Variants in BCAS3 observed in about 807,000 individuals in gnomAD.
The protein encoded by BCAS3 is BCAS4/BCAS3 fusion.
In BCAS3, 53 loss-of-function variants were observed where a neutral mutation model predicts 116.1. The observed-to-expected ratio is 0.46, with a 90% CI of 0.37 to 0.57. BCAS3 has a LOEUF of 0.57. Ranked by LOEUF, BCAS3 falls within the 20% of genes least tolerant of loss-of-function variation. BCAS3 has a pLI of 0.00. For missense variants in BCAS3, 917 were observed against 1,165.4 expected (o/e 0.79, Z 3.10); for synonymous variants, 391 against 408.2 (o/e 0.96, Z 0.51).
At chr17:61,094,143 CTACT>C (rs1350650666) in intron 22 of BCAS3, among the ~76,000 whole-genome samples, 8 of 152,146 alleles carry the variant, frequency 5.3e-5, no homozygotes, top group African/African-American at 1.9e-4. Context: ...CCTCTGCTAC[CTACT>C]TAAGAGTTCT....
At chr17:60,791,824 A>C (rs896772407) in intron 6 of BCAS3, among the ~76,000 whole-genome samples, 7 of 152,070 alleles carry the variant, frequency 4.6e-5, no homozygotes, top group Admixed American at 4.6e-4. Context: ...GATATTTGTC[A>C]TGTTGAAATA....
intron 7 of BCAS3, among the ~76,000 whole-genome samples, chr17:60,817,903 G>A (rs947690884): frequency 5.3e-5 from 8 of 149,592 alleles, no homozygotes; most frequent in Non-Finnish European, 8.9e-5. Context: ...CACCCAGGCT[G>A]GAGTGCAGTG....
Position 61,261,435 on chromosome 17 carries a change from A to G in BCAS3, c.2426-106892A>G, listed in dbSNP as rs746348638. On this transcript the variant is annotated intron_variant, in intron 22 of 23. Coordinates refer to ENST00000407086, the MANE Select transcript of BCAS3 (RefSeq NM_017679.5). The surrounding 1 kb of genome is among the most constrained non-coding windows in gnomAD (Gnocchi z 4.4). ...TAATTCAAGGCTCAAAACAGCTTGT[A>G]AAGTTTTTTTTATCATTCCTTTCCA... Among the ~76,000 whole-genome samples, 2 of 152,168 alleles carry G rather than the reference A, an allele frequency of 1.3e-5. No homozygotes were observed. The highest frequency in any genetic ancestry group is 3.8e-4 in the East Asian group (2 of 5,200).
chr17:60,681,918 CA>C (rs2033203004), intron 2 of BCAS3, among the ~76,000 whole-genome samples: 2 of 151,998 alleles, frequency 1.3e-5, no homozygotes, highest in African/African-American at 4.8e-5. Flanking sequence ...TTAGTAGAGA[CA>C]GGGTTTCTCC....
intron 22 of BCAS3, among the ~76,000 whole-genome samples, chr17:61,263,207 G>A (rs993312161): frequency 2.0e-5 from 3 of 152,226 alleles, no homozygotes; most frequent in Non-Finnish European, 4.4e-5. Context: ...AACAGGGGAA[G>A]GTGAGGCACC....
chr17:61,255,786 C>G (rs2048729957), intron 22 of BCAS3, among the ~76,000 whole-genome samples: 1 of 152,210 alleles, frequency 6.6e-6, no homozygotes, highest in Non-Finnish European at 1.5e-5. Flanking sequence ...CTTATCACAG[C>G]TTTCTTTTCC....
At chr17:60,719,644 T>C (rs2039027847) in intron 5 of BCAS3, among the ~76,000 whole-genome samples, 2 of 152,234 alleles carry the variant, frequency 1.3e-5, no homozygotes, top group South Asian at 2.1e-4. Flanking sequence ...AACTTATTCT[T>C]TCAGCCATAA....
intron 6 of BCAS3, among the ~76,000 whole-genome samples, chr17:60,751,107 T>C (rs888899694): frequency 6.6e-6 from 1 of 152,176 alleles, no homozygotes; most frequent in African/African-American, 2.4e-5. Context: ...TAACTAAAAG[T>C]GAGAAACTGA....
intron 7 of BCAS3, among the ~76,000 whole-genome samples, chr17:60,850,813 A>G (rs1403013678): frequency 6.6e-6 from 1 of 152,232 alleles, no homozygotes; most frequent in African/African-American, 2.4e-5. Flanking sequence ...TAAAACAAGC[A>G]AAAGATCTAT....
rs1489244616 is a variant in BCAS3 at position 61,205,061 on chromosome 17, T to G, written c.2425+120497T>G. On this transcript the variant is annotated intron_variant, in intron 22 of 23. Coordinates refer to ENST00000407086, the MANE Select transcript of BCAS3 (RefSeq NM_017679.5). This position sits in a 1 kb window ranked among gnomAD's most constrained non-coding sequence, Gnocchi z 5.2. Reference sequence around the variant, plus strand: ...AAATTAAAGAATGACAGGATAAAAATTTAGGGAGGCCGATTCCATCTGCAA... The same window carrying G: ...AAATTAAAGAATGACAGGATAAAAAGTTAGGGAGGCCGATTCCATCTGCAA... Among the ~76,000 whole-genome samples the G allele has an allele frequency of 6.6e-6, 1 of 152,050 alleles. No individual in the cohort carries two copies. The highest frequency in any genetic ancestry group is 1.5e-5 in the Non-Finnish European group (1 of 68,016).
At chr17:61,351,081 T>C (rs1222548447) in intron 22 of BCAS3, among the ~76,000 whole-genome samples, 3 of 152,222 alleles carry the variant, frequency 2.0e-5, no homozygotes, top group African/African-American at 7.2e-5. Context: ...GCTTGTTCTT[T>C]CCTACATTCA....
chr17:60,757,714 T>G (rs1268555602), intron 6 of BCAS3, among the ~76,000 whole-genome samples: 2 of 152,188 alleles, frequency 1.3e-5, no homozygotes, highest in East Asian at 3.8e-4. Context: ...GCAAGTTGTC[T>G]GTTCACTCTG....
At chr17:61,358,582 A>G (rs555698991) in intron 22 of BCAS3, among the ~76,000 whole-genome samples, 2 of 150,742 alleles carry the variant, frequency 1.3e-5, no homozygotes, top group South Asian at 2.1e-4. Flanking sequence ...GCAGACTGCA[A>G]CTTCCACCTC....
intron 23 of BCAS3, among the ~76,000 whole-genome samples, chr17:61,384,185 C>T (rs937182441): frequency 6.6e-6 from 1 of 152,256 alleles, no homozygotes; most frequent in Non-Finnish European, 1.5e-5. Context: ...TGCCATGCCC[C>T]TCGGCACTGA....
intron 14 of BCAS3, among the ~76,000 whole-genome samples, chr17:60,955,199 G>A (rs1369875558): frequency 1.3e-5 from 2 of 151,904 alleles, no homozygotes; most frequent in African/African-American, 2.4e-5. Flanking sequence ...AAAGTAGATT[G>A]CCAACATGAC....
intron 13 of BCAS3, among the ~76,000 whole-genome samples, chr17:60,925,233 G>A (rs149799875): frequency 1.3e-5 from 2 of 152,102 alleles, no homozygotes; most frequent in African/African-American, 4.8e-5. Flanking sequence ...TAATGTTTTT[G>A]TATTTCTCCA....
Position 61,387,752 on chromosome 17 carries a change from A to G in BCAS3, c.2594-4225A>G, listed in dbSNP as rs752664025. Among the ~76,000 whole-genome samples, 1 of 152,128 alleles carries G rather than the reference A, an allele frequency of 6.6e-6. No homozygotes were observed. On this transcript the variant is annotated intron_variant, in intron 23 of 23. Transcript: ENST00000407086. The surrounding 1 kb of genome is among the most constrained non-coding windows in gnomAD (Gnocchi z 6.2). ...CCAGCACCCTGTGGCCCGCACCAGC[A>G]CCCGTTCTTTCTTGGGGGATGGGGG...
chr17:60,678,433 C>T (rs1285069690), intron 1 of BCAS3, among the ~76,000 whole-genome samples: 1 of 152,092 alleles, frequency 6.6e-6, no homozygotes, highest in Non-Finnish European at 1.5e-5. Flanking sequence ...CTTCCCTGAG[C>T]CCTGTAAGAG....
Position 61,309,948 on chromosome 17 carries a change from C to T in BCAS3, c.2426-58379C>T, listed in dbSNP as rs1356624843. Among the ~76,000 whole-genome samples, 1 of 152,176 alleles carries T rather than the reference C, an allele frequency of 6.6e-6. No homozygotes were observed. Among genetic ancestry groups the T allele is most frequent in the Non-Finnish European group, 1.5e-5 (1 of 68,030 alleles). ...AAACGCTTATGCTTAAAGCAGTTTT[C>T]CTTTGAAAAACTACAGCATTTAGGC... is the stretch of plus-strand genomic sequence containing the variant. On this transcript the variant is annotated intron_variant, in intron 22 of 23. Coordinates refer to ENST00000407086, the MANE Select transcript of BCAS3 (RefSeq NM_017679.5). The surrounding 1 kb of genome is among the most constrained non-coding windows in gnomAD (Gnocchi z 4.6).
Sources: gnomAD v4.1 joint callset for allele counts (sites outside exome capture counted in the v4.1 genomes callset) on GRCh38, gnomAD v4.1.1 for gene constraint, Gnocchi (gnomAD v3.1) non-coding constraint, MANE v1.5 for transcripts, NCBI Gene and HGNC (gene_info 2026-07-23, HGNC 2026-07-21) for gene names.